ST6GALNAC6: variants seen among roughly 807,000 people sequenced by gnomAD.
ST6GALNAC6 encodes ST6 N-acetylgalactosaminide alpha-2,6-sialyltransferase 6.
ST6GALNAC6 carries 19 observed loss-of-function variants against 34.3 expected under a neutral mutation model. That is an observed-to-expected ratio of 0.55 (90% CI 0.39 to 0.81). The LOEUF (loss-of-function observed/expected upper bound fraction) is 0.81. Among genes scored for constraint, ST6GALNAC6 ranks in the 40% least tolerant of loss-of-function variants. The probability of loss-of-function intolerance (pLI) is 0.00; values close to 1 mark genes in which losing one functional copy is unlikely to be tolerated. For missense variants in ST6GALNAC6, 377 were observed against 467.7 expected, an observed-to-expected ratio of 0.81 and a Z score of 1.79; for synonymous variants, 185 against 182.1, an observed-to-expected ratio of 1.02 and a Z score of -0.13.
rs1829850316 is a variant in ST6GALNAC6, at chr9:127,887,473, G to A, written c.812+11C>T. On this transcript the variant is annotated intron_variant, in intron 6 of 6. Coordinates refer to ENST00000373146, the MANE Select transcript of ST6GALNAC6 (RefSeq NM_013443.5). ...TGTTGTCCTGGGAGGGCGCTGGCAA[G>A]GAGGGCTCACCTGCAGTAGTTGGGG... 2 of 1,606,552 alleles carry A rather than the reference G, an allele frequency of 1.2e-6. No individual in the cohort carries two copies. Among genetic ancestry groups the A allele is most frequent in the Non-Finnish European group, 1.7e-6 (2 of 1,175,600 alleles).
At chr9:127,898,107 C>T in intron 1 of ST6GALNAC6, 97 bp from the exon 2 acceptor site, 1 of 727,228 alleles carries the variant, frequency 1.4e-6, no homozygotes, top group Non-Finnish European at 2.4e-6. Flanking sequence ...AAAGTGCTCC[C>T]ACATTGGCCG....
chr9:127,899,599 G>A lies in ST6GALNAC6; in HGVS notation c.-126C>T, dbSNP rs1830675663. ...GGTCCGCGCTCCTCAGGCCGCCCAG[G>A]CCTCGCCGCACCCGCGGCCCGCCGG... is the stretch of plus-strand genomic sequence containing the variant. On this transcript the variant is annotated 5_prime_UTR_variant, in exon 1 of 7. Transcript: ENST00000373146. The A allele has an allele frequency of 1.0e-6, 1 of 981,704 alleles. No homozygotes were observed. Among genetic ancestry groups the A allele is most frequent in the Non-Finnish European group, 1.2e-6 (1 of 828,516 alleles). The allele number at this position is 981,704 out of a possible 1,614,324, so 60.8% of individuals were successfully genotyped here.
At chr9:127,900,695 T>C (rs1344037141), upstream of ST6GALNAC6, among the ~76,000 whole-genome samples, 1 of 151,666 alleles carries the variant, frequency 6.6e-6, no homozygotes, top group Admixed American at 6.6e-5. Flanking sequence ...CCAGTGGCTG[T>C]AATCCCAGCA....
At chr9:127,892,388 A>G (rs1830200939) in intron 4 of ST6GALNAC6, among the ~76,000 whole-genome samples, 1 of 152,236 alleles carries the variant, frequency 6.6e-6, no homozygotes, top group Non-Finnish European at 1.5e-5. Flanking sequence ...AAAGTTAATA[A>G]AAGGCCACAA....
At chr9:127,896,707 T>G (rs1287910421) in intron 2 of ST6GALNAC6, among the ~76,000 whole-genome samples, 2 of 152,144 alleles carry the variant, frequency 1.3e-5, no homozygotes, top group African/African-American at 4.8e-5. Context: ...ACAACACCGC[T>G]TGTAGGCCCC....
rs1447861250 is a variant in ST6GALNAC6 at position 127,886,388 on chromosome 9, C to A, written c.*211G>T. 1 of 1,406,716 alleles carries A rather than the reference C, an allele frequency of 7.1e-7. No individual in the cohort carries two copies. The highest frequency in any genetic ancestry group is 9.3e-7 in the Non-Finnish European group (1 of 1,072,550). 87.1% of individuals were successfully genotyped at this position (1,406,716 alleles called of 1,614,324 possible). ...AGACCCTGACTGCACAAGAAAGACA[C>A]CCCTGATTAACCGCATAGACTCCCA... On this transcript the variant is annotated 3_prime_UTR_variant, in exon 7 of 7. Coordinates refer to ENST00000373146, the MANE Select transcript of ST6GALNAC6 (RefSeq NM_013443.5).
chr9:127,900,307 T>G (rs1188151850), upstream of ST6GALNAC6, among the ~76,000 whole-genome samples: 1 of 152,026 alleles, frequency 6.6e-6, no homozygotes, highest in Non-Finnish European at 1.5e-5. Flanking sequence ...ACGCCTGTAA[T>G]CTCAACACTT....
At chr9:127,902,277 G>A (rs909271142), upstream of ST6GALNAC6, among the ~76,000 whole-genome samples, 4 of 152,016 alleles carry the variant, frequency 2.6e-5, no homozygotes, top group Non-Finnish European at 5.9e-5. Flanking sequence ...TCCTGCCTCA[G>A]CCTGCCGAGT....
intron 1 of ST6GALNAC6, among the ~76,000 whole-genome samples, chr9:127,899,054 T>C (rs1830638086): frequency 6.6e-6 from 1 of 152,052 alleles, no homozygotes; most frequent in African/African-American, 2.4e-5. Flanking sequence ...CTCCCGCAGA[T>C]CGGGACGCCC....
At position 127,890,862 on chromosome 9, in the gene ST6GALNAC6, C is replaced by T. The variant is rs764212241; in HGVS notation, c.479G>A (p.Ser160Asn). 8 of 1,614,102 alleles carry T rather than the reference C, an allele frequency of 5.0e-6. No homozygotes were observed. Among genetic ancestry groups the T allele is most frequent in the Non-Finnish European group, 8.5e-7 (1 of 1,180,058 alleles). Residue 160 changes from serine to asparagine, a missense_variant, in exon 5 of 7, where the codon AGT becomes AAT. Ser to Asn is a conservative substitution (Grantham distance 46). Transcript: ENST00000373146. This position sits in a 1 kb window ranked among gnomAD's most constrained non-coding sequence, Gnocchi z 4.3. Reference sequence around the variant, plus strand: ...GGGCCTCCTCAGCACGCGGAACACACTGGAATGGGCCACGACGCGGTAGGT... The same window carrying T: ...GGGCCTCCTCAGCACGCGGAACACATTGGAATGGGCCACGACGCGGTAGGT... ...KTTYRVVAHS[S>N]VFRVLRRPQE...
intron 1 of ST6GALNAC6, among the ~76,000 whole-genome samples, chr9:127,899,004 C>G (rs908794641): frequency 6.6e-6 from 1 of 152,218 alleles, no homozygotes; most frequent in Non-Finnish European, 1.5e-5. Context: ...CACACCCTGC[C>G]CTCTGTTTGG....
upstream of ST6GALNAC6, among the ~76,000 whole-genome samples, chr9:127,902,284 G>A (rs1407138233): frequency 2.6e-5 from 4 of 151,956 alleles, no homozygotes; most frequent in Admixed American, 1.3e-4. Context: ...TCAGCCTGCC[G>A]AGTAGCTGGG....
upstream of ST6GALNAC6, among the ~76,000 whole-genome samples, chr9:127,906,306 CAGA>C (rs570998389): frequency 6.6e-6 from 1 of 152,190 alleles, no homozygotes; most frequent in Non-Finnish European, 1.5e-5. Flanking sequence ...TTGGCAACAG[CAGA>C]GCATTAGCAT....
upstream of ST6GALNAC6, chr9:127,906,127 C>G (rs1470688608): frequency 5.7e-6 from 4 of 703,504 alleles, no homozygotes; most frequent in East Asian, 1.3e-4. Context: ...GTCTCAGCCC[C>G]CTCTGTGAAA....
intron 2 of ST6GALNAC6, among the ~76,000 whole-genome samples, chr9:127,897,649 C>T (rs1830552930): frequency 6.6e-6 from 1 of 152,220 alleles, no homozygotes; most frequent in Non-Finnish European, 1.5e-5. Flanking sequence ...CAGGGAGCGG[C>T]TTGTTCTTGC....
Position 127,887,603 on chromosome 9 carries a change from G to A in ST6GALNAC6, c.705-12C>T, listed in dbSNP as rs370991542. The A allele has an allele frequency of 1.3e-6, 2 of 1,599,472 alleles. No homozygotes were observed. Among genetic ancestry groups the A allele is most frequent in the Non-Finnish European group, 1.7e-6 (2 of 1,170,328 alleles). The stretch of plus-strand genomic sequence containing the variant: ...AATGAGACTTCTCCCTGGGGATGGA[G>A]AGGGGTCACGATGAGGGCACATGCA... On this transcript the variant is annotated splice_polypyrimidine_tract_variant and intron_variant, in intron 5 of 6. Coordinates refer to ENST00000373146, the MANE Select transcript of ST6GALNAC6 (RefSeq NM_013443.5).
intron 4 of ST6GALNAC6, among the ~76,000 whole-genome samples, chr9:127,894,056 T>C (rs904976961): frequency 6.6e-6 from 1 of 152,176 alleles, no homozygotes; most frequent in African/African-American, 2.4e-5. Flanking sequence ...CTCGGAGCCT[T>C]GGTTACTCCA....
rs755981503 is a variant in ST6GALNAC6 at position 127,886,536 on chromosome 9, C to G, written c.*63G>C. The G allele has an allele frequency of 1.3e-5, 20 of 1,594,360 alleles. No individual in the cohort carries two copies. Among genetic ancestry groups the G allele is most frequent in the African/African-American group, 2.7e-5 (2 of 74,312 alleles). On this transcript the variant is annotated 3_prime_UTR_variant, in exon 7 of 7. Transcript: ENST00000373146. ...TGATTGGCCAGAAGATGGTCCCTGG[C>G]CTAGCGGCTGGGCGGAGGCTGCTTC...
chr9:127,891,191 G>T, intron 4 of ST6GALNAC6, 148 bp from the exon 5 acceptor site: 2 of 1,044,876 alleles, frequency 1.9e-6, no homozygotes, highest in African/African-American at 1.6e-5. Flanking sequence ...AGCACACATT[G>T]ATAGCAAGCT....
Sources: gnomAD v4.1 joint callset for allele counts (sites outside exome capture counted in the v4.1 genomes callset) on GRCh38, gnomAD v4.1.1 for gene constraint, Gnocchi (gnomAD v3.1) non-coding constraint, MANE v1.5 for transcripts, NCBI Gene and HGNC (gene_info 2026-07-23, HGNC 2026-07-21) for gene names.